PCSK6: variants seen among roughly 807,000 people sequenced by gnomAD.
PCSK6 encodes paired basic amino acid cleaving enzyme 4.
PCSK6 carries 85 observed loss-of-function variants against 123.3 expected under a neutral mutation model. That is an observed-to-expected ratio of 0.69 (90% CI 0.58 to 0.83). PCSK6 has a LOEUF of 0.83. Ranked by LOEUF, PCSK6 falls within the 40% of genes least tolerant of loss-of-function variation. The probability of loss-of-function intolerance (pLI) is 0.00; values close to 1 mark genes in which losing one functional copy is unlikely to be tolerated. For missense variants in PCSK6, 1,191 were observed against 1,282.3 expected, an observed-to-expected ratio of 0.93 and a Z score of 1.09; for synonymous variants, 508 against 516.0, an observed-to-expected ratio of 0.98 and a Z score of 0.21.
chr15:101,389,630 C>A, intron 8 of PCSK6, 66 bp from the exon 9 acceptor site: 2 of 1,310,286 alleles, frequency 1.5e-6, no homozygotes, highest in Non-Finnish European at 2.2e-6. Flanking sequence ...GTGGAGAAGG[C>A]TGGGCTACTT....
chr15:101,485,409 G>T (rs989745938), intron 1 of PCSK6, among the ~76,000 whole-genome samples: 4 of 152,004 alleles, frequency 2.6e-5, no homozygotes, highest in African/African-American at 9.7e-5. Context: ...GGATGCCTTT[G>T]TTTACATAGA....
chr15:101,334,743 C>T (rs1223994195), intron 13 of PCSK6, among the ~76,000 whole-genome samples: 1 of 152,138 alleles, frequency 6.6e-6, no homozygotes, highest in Admixed American at 6.5e-5. Flanking sequence ...GTCACCAAAA[C>T]TGGATTTTTA....
At chr15:101,309,345 C>T (rs1185701211) in intron 20 of PCSK6, among the ~76,000 whole-genome samples, 1 of 152,202 alleles carries the variant, frequency 6.6e-6, no homozygotes, top group Non-Finnish European at 1.5e-5. Flanking sequence ...CTGTGTAGCT[C>T]CTGCTTTCCG....
At position 101,407,576 on chromosome 15, in the gene PCSK6, C is replaced by T. The variant is rs138242173; in HGVS notation, c.824-9000G>A. ...ACTCCCTTAACCTAACCACCCAAGG[C>T]CAGGTGTCAGGCAGCTAGGGACAGC... On this transcript the variant is annotated intron_variant, in intron 6 of 21. Coordinates refer to ENST00000611716, the MANE Select transcript of PCSK6 (RefSeq NM_002570.5). 5.4e-4 allele frequency among the ~76,000 whole-genome samples: 83 copies of T among 152,336 alleles called. No homozygotes were observed. In the East Asian group the frequency reaches 0.01, roughly 19 times the overall value.
chr15:101,400,897 AG>A (rs2042566772), intron 6 of PCSK6, among the ~76,000 whole-genome samples: 2 of 152,204 alleles, frequency 1.3e-5, no homozygotes, highest in African/African-American at 4.8e-5. Flanking sequence ...CCAGTTTTGA[AG>A]GTTCAGGTTT....
intron 12 of PCSK6, among the ~76,000 whole-genome samples, chr15:101,367,326 G>A (rs1017536595): frequency 6.6e-5 from 10 of 152,068 alleles, no homozygotes; most frequent in Non-Finnish European, 1.3e-4. Context: ...TTTCTATCTC[G>A]ATTTTGGAAT....
intron 13 of PCSK6, among the ~76,000 whole-genome samples, chr15:101,333,715 C>T (rs1485049182): frequency 2.3e-5 from 3 of 132,320 alleles, no homozygotes; most frequent in Non-Finnish European, 3.1e-5. Flanking sequence ...AATCTCTTAG[C>T]GTTTCTAAAT....
At position 101,368,937 on chromosome 15, in the gene PCSK6, A is replaced by T. The variant is rs532681374; in HGVS notation, c.1721+1398T>A. Among the ~76,000 whole-genome samples, 15 of 152,344 alleles carry T rather than the reference A, an allele frequency of 9.8e-5. No individual in the cohort carries two copies. The East Asian group carries it at 2.9e-3, about 29-fold the overall frequency. On this transcript the variant is annotated intron_variant, in intron 12 of 21. Transcript: ENST00000611716. ...ATCAAAAGCTGCAGCTCGTCCGCTG[A>T]CACCGAACTGCTCGTGCCCGTGTGA... is the stretch of plus-strand genomic sequence containing the variant.
At chr15:101,482,110 T>C (rs1226620187) in intron 1 of PCSK6, among the ~76,000 whole-genome samples, 1 of 152,274 alleles carries the variant, frequency 6.6e-6, no homozygotes, top group African/African-American at 2.4e-5. Context: ...GAAAGGCTTT[T>C]CTGTCTGATG....
Position 101,472,356 on chromosome 15 carries a change from C to T in PCSK6, c.297+17018G>A, listed in dbSNP as rs188223516. Among the ~76,000 whole-genome samples the T allele has an allele frequency of 1.5e-3, 231 of 152,352 alleles. 1 individual carries two copies. The highest frequency in any genetic ancestry group is 5.1e-3 in the African/African-American group (212 of 41,580). On this transcript the variant is annotated intron_variant, in intron 1 of 21. Coordinates refer to ENST00000611716, the MANE Select transcript of PCSK6 (RefSeq NM_002570.5). ...AAACGGGTTGGGCAGCATGGCTGCT[C>T]CCTTCCGGCTCTGTCCAGTGTTTCT...
In PCSK6 at chr15:101,458,874, C is replaced by T. The variant is rs142940118; in HGVS notation, c.298-15214G>A. 3.1e-3 allele frequency among the ~76,000 whole-genome samples: 467 copies of T among 152,346 alleles called. 2 individuals carry two copies. The highest frequency in any genetic ancestry group is 0.011 in the African/African-American group (448 of 41,580). On this transcript the variant is annotated intron_variant, in intron 1 of 21. Coordinates refer to ENST00000611716, the MANE Select transcript of PCSK6 (RefSeq NM_002570.5). ...TGTCAGCTTCTACCTAATTCCTTCA[C>T]ATCCATCTCACTTGGAAAAAACAAA...
intron 1 of PCSK6, among the ~76,000 whole-genome samples, chr15:101,453,712 T>C (rs765141308): frequency 1.3e-5 from 2 of 152,214 alleles, no homozygotes; most frequent in Non-Finnish European, 2.9e-5. Flanking sequence ...AGACATTTGG[T>C]TGAGACTTTC....
Position 101,460,108 on chromosome 15 carries a change from C to T in PCSK6, c.298-16448G>A, listed in dbSNP as rs530245488. ...TGGCCACCACTATGCCCCTATGAAC[C>T]GTCACACAGGTCCCTCTCCTGCCCA... On this transcript the variant is annotated intron_variant, in intron 1 of 21. Transcript: ENST00000611716. Among the ~76,000 whole-genome samples, 193 of 152,196 alleles carry T rather than the reference C, an allele frequency of 1.3e-3. 2 individuals are homozygous for T. Among genetic ancestry groups the T allele is most frequent in the African/African-American group, 4.2e-3 (174 of 41,526 alleles).
chr15:101,360,327 C>T (rs1217308419), intron 13 of PCSK6, among the ~76,000 whole-genome samples: 1 of 152,214 alleles, frequency 6.6e-6, no homozygotes, highest in Non-Finnish European at 1.5e-5. Flanking sequence ...TAAAATCTCT[C>T]AGTGACTTCC....
At chr15:101,388,319 C>A (rs72770770) in intron 9 of PCSK6, among the ~76,000 whole-genome samples, 23,959 of 152,164 alleles carry the variant, frequency 0.16, 2,328 homozygotes, top group South Asian at 0.21. Flanking sequence ...TGCAAACACA[C>A]GTAATTACAA....
intron 1 of PCSK6, among the ~76,000 whole-genome samples, chr15:101,469,741 TCTCCTAGTTTGG>T (rs1247680841): frequency 6.6e-6 from 1 of 152,200 alleles, no homozygotes; most frequent in African/African-American, 2.4e-5. Context: ...CAGCAGTTTG[TCTCCTAGTTTGG>T]CTTAACTTCT....
chr15:101,374,479 G>A (rs2041677535), intron 11 of PCSK6, among the ~76,000 whole-genome samples: 1 of 152,042 alleles, frequency 6.6e-6, no homozygotes, highest in African/African-American at 2.4e-5. Flanking sequence ...CTCTCCCCAG[G>A]TTGGCTTCCT....
chr15:101,450,811 A>C (rs1486360929), intron 1 of PCSK6, among the ~76,000 whole-genome samples: 1 of 151,966 alleles, frequency 6.6e-6, no homozygotes, highest in Non-Finnish European at 1.5e-5. Flanking sequence ...GGAGGAGGCT[A>C]TGGAGCCAGG....
chr15:101,436,280 C>A (rs369763464), intron 2 of PCSK6, among the ~76,000 whole-genome samples: 1 of 152,124 alleles, frequency 6.6e-6, no homozygotes, highest in Non-Finnish European at 1.5e-5. Flanking sequence ...TACACAGGCA[C>A]CCTCCCCCAG....
Sources: allele counts gnomAD v4.1 joint callset (sites outside exome capture counted in the v4.1 genomes callset), GRCh38; gene constraint gnomAD v4.1.1; transcripts MANE v1.5; gene names NCBI Gene and HGNC (gene_info 2026-07-23, HGNC 2026-07-21).